The following HELZ variants were observed in gnomAD, a reference collection of about 807,000 sequenced individuals.
HELZ encodes helicase with zinc finger.
HELZ carries 23 observed loss-of-function variants against 218.2 expected under a neutral mutation model. The observed-to-expected ratio is 0.11, with a 90% confidence interval of 0.08 to 0.15. HELZ has a LOEUF of 0.15. Among genes scored for constraint, HELZ ranks in the 10% least tolerant of loss-of-function variants. The pLI, the probability that HELZ is intolerant of heterozygous loss-of-function variation, is 1.00. For missense variants in HELZ, 1,813 were observed against 2,353.7 expected, an observed-to-expected ratio of 0.77 and a Z score of 4.75; for synonymous variants, 814 against 829.4, an observed-to-expected ratio of 0.98 and a Z score of 0.32.
At chr17:67,134,213 A>G (rs1313628689) in intron 23 of HELZ, among the ~76,000 whole-genome samples, 1 of 152,096 alleles carries the variant, frequency 6.6e-6, no homozygotes, top group Admixed American at 6.5e-5. Context: ...GAGAAATCCC[A>G]TCTCTTCCTA....
In HELZ at chr17:67,109,623, T is replaced by G. The variant is rs1379494861; in HGVS notation, c.3982A>C (p.Ser1328Arg). 1 of 1,614,144 alleles carries G rather than the reference T, an allele frequency of 6.2e-7. No homozygotes were observed. The highest frequency in any genetic ancestry group is 1.1e-5 in the South Asian group (1 of 91,080). ...PESRPSVVYP[S>R]TKFPRKDNLN... ...TTATCTTTGCGAGGAAATTTGGTAC[T>G]GGGATAAACAACACTAGGACGTGAT... The change falls in exon 29 of 33, where the codon AGT (serine) becomes CGT (arginine). Residue 1328 changes from serine to arginine, a missense_variant. By Grantham distance (110) the Ser-to-Arg change is moderately radical. Around this residue, in one of 4 missense-constraint regions of HELZ, gnomAD observed 938 missense variants for 1,027.5 expected, o/e 0.91. Coordinates refer to ENST00000358691, the MANE Select transcript of HELZ (RefSeq NM_014877.4).
Position 67,167,875 on chromosome 17 carries a change from T to G in HELZ, c.1431-79A>C, listed in dbSNP as rs534068843. 118 of 978,980 alleles carry G rather than the reference T, an allele frequency of 1.2e-4. 1 individual carries two copies. In the South Asian group the frequency reaches 1.8e-3, roughly 15 times the overall value. The allele number at this position is 978,980 out of a possible 1,614,324, so 60.6% of individuals were successfully genotyped here. ...AACTAGAAGAGTGAAACAAAGTAAA[T>G]CAAATATAAACATACCAAAAATTAA... On this transcript the variant is annotated intron_variant, in intron 13 of 32. Transcript: ENST00000358691.
chr17:67,076,428 C>G lies in HELZ; in HGVS notation c.*1824G>C, dbSNP rs2036020593. 1 of 152,206 alleles carries G rather than the reference C, an allele frequency of 6.6e-6. No individual in the cohort carries two copies. Among genetic ancestry groups the G allele is most frequent in the South Asian group, 2.1e-4 (1 of 4,834 alleles). 9.4% of individuals were successfully genotyped at this position (152,206 alleles called of 1,614,324 possible). On this transcript the variant is annotated 3_prime_UTR_variant, in exon 33 of 33. Transcript: ENST00000358691. Reference sequence around the variant, plus strand: ...GTAACTTGCCGGCTCAGTTTTCCAGCTGTGATTTATGCTAACCATTAACAC... The same window carrying G: ...GTAACTTGCCGGCTCAGTTTTCCAGGTGTGATTTATGCTAACCATTAACAC...
chr17:67,217,080 C>T (rs1037768935), intron 4 of HELZ, among the ~76,000 whole-genome samples: 14 of 152,136 alleles, frequency 9.2e-5, no homozygotes, highest in African/African-American at 3.1e-4. Flanking sequence ...AAATTCCATA[C>T]GTGCATATCT....
intron 3 of HELZ, among the ~76,000 whole-genome samples, chr17:67,233,074 C>T (rs547158787): frequency 6.6e-6 from 1 of 152,338 alleles, no homozygotes; most frequent in Admixed American, 6.5e-5. Flanking sequence ...GCAGAGGTTG[C>T]AGTGAGTCGA....
At chr17:67,221,745 A>G (rs28674882) in intron 3 of HELZ, among the ~76,000 whole-genome samples, 2 of 152,244 alleles carry the variant, frequency 1.3e-5, no homozygotes, top group Admixed American at 6.5e-5. Flanking sequence ...TGCCTGGGAC[A>G]TAAGTGCTCA....
chr17:67,121,528 C>T (rs1161611515), intron 26 of HELZ, among the ~76,000 whole-genome samples: 4 of 152,136 alleles, frequency 2.6e-5, no homozygotes, highest in Non-Finnish European at 5.9e-5. Flanking sequence ...TCCTGACCAA[C>T]GTGGCTGAGA....
At chr17:67,123,815 C>CTGTG (rs58616216) in intron 25 of HELZ, 148 bp downstream of exon 25, 32,388 of 530,910 alleles carry the variant, frequency 0.061, 430 homozygotes, top group East Asian at 0.094. Flanking sequence ...TCCAAAGTGA[C>CTGTG]TGTGTGTGTG....
intron 31 of HELZ, among the ~76,000 whole-genome samples, chr17:67,093,805 TAA>T (rs1290570431): frequency 6.6e-6 from 1 of 151,482 alleles, no homozygotes; most frequent in African/African-American, 2.4e-5. Flanking sequence ...ATATTATTTT[TAA>T]AACTCTAAAC....
chr17:67,078,044 G>A lies in HELZ; in HGVS notation c.*208C>T. 1 of 439,152 alleles carries A rather than the reference G, an allele frequency of 2.3e-6. No individual in the cohort carries two copies. The highest frequency in any genetic ancestry group is 4.0e-6 in the Non-Finnish European group (1 of 248,664). 27.2% of individuals were successfully genotyped at this position (439,152 alleles called of 1,614,324 possible). On this transcript the variant is annotated 3_prime_UTR_variant, in exon 33 of 33. Coordinates refer to ENST00000358691, the MANE Select transcript of HELZ (RefSeq NM_014877.4). ...AATTTTTTTATTCTACATAAAAGCTGTCAAAGTTTTGACACATCAAAAATG... is the reference window on the plus strand; with the variant it reads ...AATTTTTTTATTCTACATAAAAGCTATCAAAGTTTTGACACATCAAAAATG...
intron 12 of HELZ, among the ~76,000 whole-genome samples, chr17:67,186,253 A>C (rs995644952): frequency 6.6e-6 from 1 of 152,174 alleles, no homozygotes; most frequent in Non-Finnish European, 1.5e-5. Flanking sequence ...TAAACATAAT[A>C]GCTACTATTA....
At chr17:67,235,296 G>C (rs1269548113) in intron 3 of HELZ, among the ~76,000 whole-genome samples, 2 of 152,070 alleles carry the variant, frequency 1.3e-5, no homozygotes, top group East Asian at 3.9e-4. Flanking sequence ...CACGAGGTCA[G>C]AAGTTCAAGA....
At chr17:67,197,692 T>C (rs1046079818) in intron 7 of HELZ, among the ~76,000 whole-genome samples, 1 of 152,226 alleles carries the variant, frequency 6.6e-6, no homozygotes, top group Non-Finnish European at 1.5e-5. Flanking sequence ...TCTTGTACCA[T>C]AGAAAGAACG....
At chr17:67,137,238 C>A (rs1019840754) in intron 22 of HELZ, among the ~76,000 whole-genome samples, 2 of 152,176 alleles carry the variant, frequency 1.3e-5, no homozygotes, top group Non-Finnish European at 1.5e-5. Flanking sequence ...CCTCTCCAGG[C>A]CAAACAATCC....
chr17:67,126,928 CT>C (rs1463876934), intron 24 of HELZ, among the ~76,000 whole-genome samples: 11 of 152,188 alleles, frequency 7.2e-5, no homozygotes, highest in African/African-American at 2.2e-4. Context: ...GTCATGTCCC[CT>C]GTTCTCTTAT....
chr17:67,192,639 T>C (rs1360369824), intron 9 of HELZ, among the ~76,000 whole-genome samples: 1 of 152,212 alleles, frequency 6.6e-6, no homozygotes, highest in East Asian at 1.9e-4. Flanking sequence ...CTGTCTCTTC[T>C]ACAACATAAC....
intron 17 of HELZ, among the ~76,000 whole-genome samples, chr17:67,157,564 A>T (rs1212774448): frequency 6.6e-6 from 1 of 152,228 alleles, no homozygotes; most frequent in Admixed American, 6.5e-5. Context: ...TGGAGAATTG[A>T]CGGTAACAAG....
intron 21 of HELZ, among the ~76,000 whole-genome samples, chr17:67,142,088 T>C (rs1279833856): frequency 1.3e-5 from 2 of 151,474 alleles, no homozygotes; most frequent in African/African-American, 4.9e-5. Context: ...AATGTGACAC[T>C]AGAAAATATG....
In HELZ at chr17:67,203,356, G is replaced by C. The variant is rs2040217432; in HGVS notation, c.335C>G (p.Ser112Cys). 6.2e-7 allele frequency: 1 copy of C among 1,614,138 alleles called. No homozygotes were observed. Among genetic ancestry groups the C allele is most frequent in the South Asian group, 1.1e-5 (1 of 91,086 alleles). ...TGTGAGTGACTTGGCAAGAATGGTG[G>C]ATACAGGTTGGAGCTTCCCTTTCAG... Reference protein sequence around the residue: ...MQLKGKLQPVSTILAKSLTGE... With the variant: ...MQLKGKLQPVCTILAKSLTGE... Residue 112 changes from serine to cysteine, a missense_variant, in exon 6 of 33, where the codon TCC becomes TGC. By Grantham distance (112) the Ser-to-Cys change is moderately radical. Coordinates refer to ENST00000358691, the MANE Select transcript of HELZ (RefSeq NM_014877.4).
Sources: allele counts gnomAD v4.1 joint callset (sites outside exome capture counted in the v4.1 genomes callset), GRCh38; gene constraint gnomAD v4.1.1; regional missense constraint gnomAD v4.1.1; transcripts MANE v1.5; gene names NCBI Gene and HGNC (gene_info 2026-07-23, HGNC 2026-07-21).